Variants in WDPCP observed in about 807,000 individuals in gnomAD.
WDPCP encodes the protein WD repeat-containing and planar cell polarity effector protein fritz homolog.
Under a neutral mutation model 93.1 loss-of-function variants are expected in WDPCP, and 71 were observed. The observed-to-expected ratio is 0.76, with a 90% CI of 0.63 to 0.93. WDPCP has a LOEUF of 0.93. Among genes scored for constraint, WDPCP ranks in the 40% least tolerant of loss-of-function variants. WDPCP has a pLI of 0.00. For missense variants in WDPCP, 844 were observed against 887.4 expected, an observed-to-expected ratio of 0.95 and a Z score of 0.62; for synonymous variants, 315 against 315.0, an observed-to-expected ratio of 1.00 and a Z score of 0.00.
At chr2:63,656,340 C>A (rs1326560779) in intron 2 of WDPCP, among the ~76,000 whole-genome samples, 1 of 152,186 alleles carries the variant, frequency 6.6e-6, no homozygotes, top group East Asian at 1.9e-4. Context: ...TGGTTGGCCC[C>A]AGATGCAGAC....
rs143691097 is a variant in WDPCP, at chr2:63,816,259, T to C, written n.223-2552A>G. Among the ~76,000 whole-genome samples, 112 of 152,300 alleles carry C rather than the reference T, an allele frequency of 7.4e-4. 1 individual carries two copies. Among genetic ancestry groups the C allele is most frequent in the African/African-American group, 2.6e-3 (109 of 41,572 alleles). On this transcript the variant is annotated intron_variant and non_coding_transcript_variant, in intron 1 of 4. Transcript: ENST00000467687. Reference sequence around the variant, plus strand: ...TATGGTATGACTCATAGCGGCTTTATTTATAATAACAACAAAAAAGAAATA... The same window carrying C: ...TATGGTATGACTCATAGCGGCTTTACTTATAATAACAACAAAAAAGAAATA...
chr2:63,618,428 T>C (rs1174207162), intron 3 of WDPCP, among the ~76,000 whole-genome samples: 1 of 152,252 alleles, frequency 6.6e-6, no homozygotes, highest in Non-Finnish European at 1.5e-5. Context: ...CAATTTATTA[T>C]TAAGAATTTA....
intron 2 of WDPCP, among the ~76,000 whole-genome samples, chr2:63,753,360 C>A (rs559453239): frequency 6.6e-6 from 1 of 152,164 alleles, no homozygotes; most frequent in African/African-American, 2.4e-5. Context: ...ACCCAGGAGG[C>A]GGAGGTTGCA....
intron 2 of WDPCP, among the ~76,000 whole-genome samples, chr2:63,798,870 A>G (rs1670650471): frequency 6.6e-6 from 1 of 152,166 alleles, no homozygotes; most frequent in African/African-American, 2.4e-5. Context: ...CTGAAAATAA[A>G]GGAATGGAAC....
chr2:63,684,024 G>A (rs539404348), intron 2 of WDPCP, among the ~76,000 whole-genome samples: 6 of 152,126 alleles, frequency 3.9e-5, no homozygotes, highest in East Asian at 1.9e-4. Context: ...AATGATAGCC[G>A]GAGACTTCAA....
chr2:63,186,188 T>C (rs1674626466), intron 14 of WDPCP, among the ~76,000 whole-genome samples: 1 of 152,194 alleles, frequency 6.6e-6, no homozygotes, highest in Non-Finnish European at 1.5e-5. Flanking sequence ...AGACTGGCTT[T>C]AGATCACAGT....
intron 2 of WDPCP, among the ~76,000 whole-genome samples, chr2:63,754,949 A>G (rs2103895405): frequency 6.6e-6 from 1 of 152,300 alleles, no homozygotes; most frequent in East Asian, 1.9e-4. Flanking sequence ...TTTTGTGGGT[A>G]CAGTCATAAG....
chr2:63,694,883 C>T (rs918651845), intron 2 of WDPCP, among the ~76,000 whole-genome samples: 5 of 152,226 alleles, frequency 3.3e-5, no homozygotes, highest in African/African-American at 1.2e-4. Flanking sequence ...AGGAAAAACA[C>T]TGATTAGACT....
At chr2:63,709,842 G>A (rs1280586646) in intron 2 of WDPCP, among the ~76,000 whole-genome samples, 2 of 152,134 alleles carry the variant, frequency 1.3e-5, no homozygotes, top group African/African-American at 2.4e-5. Context: ...TTGACGAAGG[G>A]CTACTGCTGA....
At chr2:63,359,608 C>T (rs534945499) in intron 12 of WDPCP, among the ~76,000 whole-genome samples, 2 of 152,266 alleles carry the variant, frequency 1.3e-5, no homozygotes, top group African/African-American at 4.8e-5. Context: ...ATAGAACTAA[C>T]CATACATGGC....
At chr2:63,201,622 T>C (rs575294832) in intron 14 of WDPCP, among the ~76,000 whole-genome samples, 11 of 152,200 alleles carry the variant, frequency 7.2e-5, no homozygotes, top group Non-Finnish European at 1.3e-4. Flanking sequence ...ATCTGATTTT[T>C]ACAGGTTAGG....
At chr2:63,823,038 G>A (rs1671046807) in intron 1 of WDPCP, among the ~76,000 whole-genome samples, 1 of 151,446 alleles carries the variant, frequency 6.6e-6, no homozygotes. Context: ...CTGATACCAA[G>A]TTTTTTGTCT....
At chr2:63,471,741 G>GCACAGT (rs778152209) in intron 6 of WDPCP, among the ~76,000 whole-genome samples, 1 of 152,064 alleles carries the variant, frequency 6.6e-6, no homozygotes, top group Non-Finnish European at 1.5e-5. Flanking sequence ...TGAGACTAAG[G>GCACAGT]CACAGTCATT....
At chr2:63,606,461 G>A (rs1357794460) in intron 3 of WDPCP, among the ~76,000 whole-genome samples, 1 of 152,136 alleles carries the variant, frequency 6.6e-6, no homozygotes, top group African/African-American at 2.4e-5. Context: ...AAAACTATAT[G>A]TATTTCAGCT....
At chr2:63,259,458 C>G in intron 13 of WDPCP, 49 bp from the exon 14 acceptor site, 1 of 1,419,382 alleles carries the variant, frequency 7.0e-7, no homozygotes, top group Non-Finnish European at 9.9e-7. Flanking sequence ...GAACCTTGCC[C>G]AAGTTACAAG....
At chr2:63,556,012 GAAGT>G (rs1706089290) in intron 1 of WDPCP, among the ~76,000 whole-genome samples, 1 of 152,222 alleles carries the variant, frequency 6.6e-6, no homozygotes, top group East Asian at 1.9e-4. Flanking sequence ...TGAATTGACA[GAAGT>G]AAGCTTCAGA....
chr2:63,509,018 C>T (rs114081137), intron 1 of WDPCP, among the ~76,000 whole-genome samples: 3,458 of 152,102 alleles, frequency 0.023, 53 homozygotes, highest in South Asian at 0.037. Flanking sequence ...ATATTAGGCA[C>T]ATCAACAAGA....
intron 2 of WDPCP, among the ~76,000 whole-genome samples, chr2:63,490,270 TA>T (rs1336313854): frequency 6.6e-6 from 1 of 152,140 alleles, no homozygotes; most frequent in Non-Finnish European, 1.5e-5. Context: ...ACATCATTGT[TA>T]ATTTCCTGAT....
At chr2:63,382,210 G>T in intron 10 of WDPCP, 116 bp from the exon 11 acceptor site, 1 of 982,876 alleles carries the variant, frequency 1.0e-6, no homozygotes, top group Non-Finnish European at 1.5e-6. Context: ...TGCTAGAAAT[G>T]TGGGACTGAT....
Sources: gnomAD v4.1 joint callset for allele counts (sites outside exome capture counted in the v4.1 genomes callset) on GRCh38, gnomAD v4.1.1 for gene constraint, MANE v1.5 for transcripts, NCBI Gene and HGNC (gene_info 2026-07-23, HGNC 2026-07-21) for gene names.